Variants in HPS5 observed in about 807,000 individuals in gnomAD.
HPS5 encodes HPS5 biogenesis of lysosomal organelles complex 2 subunit 2.
Under a neutral mutation model 128.0 loss-of-function variants are expected in HPS5, and 83 were observed. The observed-to-expected ratio is 0.65, with a 90% CI of 0.54 to 0.78. The LOEUF (loss-of-function observed/expected upper bound fraction) is 0.78. Among genes scored for constraint, HPS5 ranks in the 30% least tolerant of loss-of-function variants. HPS5 has a pLI of 0.00. For synonymous variants in HPS5, 475 were observed against 470.2 expected, an observed-to-expected ratio of 1.01 and a Z score of -0.13; for missense variants, 1,281 against 1,326.2, an observed-to-expected ratio of 0.97 and a Z score of 0.53.
intron 6 of HPS5, among the ~76,000 whole-genome samples, chr11:18,308,672 A>C (rs1231959043): frequency 6.6e-6 from 1 of 151,968 alleles, no homozygotes; most frequent in Non-Finnish European, 1.5e-5. Flanking sequence ...AAAAATTAGC[A>C]GGGCATGGTG....
intron 18 of HPS5, 56 bp from the exon 19 acceptor site, chr11:18,286,766 A>G (rs1352908814): frequency 6.2e-7 from 1 of 1,608,260 alleles, no homozygotes; most frequent in South Asian, 1.1e-5. Context: ...AAGGAAGCAT[A>G]AAATGTGGGG....
At chr11:18,306,065 T>C in intron 7 of HPS5, 70 bp downstream of exon 7, 1 of 1,089,926 alleles carries the variant, frequency 9.2e-7, no homozygotes, top group Non-Finnish European at 1.4e-6. Flanking sequence ...AGATAGAATA[T>C]CAGAGATTTT....
chr11:18,309,863 G>A (rs1375272066), intron 5 of HPS5, among the ~76,000 whole-genome samples: 2 of 152,058 alleles, frequency 1.3e-5, no homozygotes, highest in Admixed American at 6.6e-5. Context: ...TTAGCCAGGC[G>A]TGGTGATGCA....
intron 20 of HPS5, 64 bp downstream of exon 20, chr11:18,285,282 C>T (rs1261672533): frequency 5.0e-6 from 5 of 992,792 alleles, no homozygotes; most frequent in African/African-American, 1.6e-5. Context: ...AGACCCTTAA[C>T]TATAAAGTTG....
chr11:18,296,659 T>C, intron 12 of HPS5, 139 bp downstream of exon 12: 1 of 847,834 alleles, frequency 1.2e-6, no homozygotes, highest in East Asian at 2.4e-5. Context: ...GATCTGTAGA[T>C]CTGGATGGAA....
chr11:18,287,186 G>A (rs1270109740), intron 18 of HPS5, among the ~76,000 whole-genome samples: 1 of 152,198 alleles, frequency 6.6e-6, no homozygotes, highest in Non-Finnish European at 1.5e-5. Flanking sequence ...AGCCTAAAAA[G>A]AGAAGAGCTG....
intron 11 of HPS5, 76 bp downstream of exon 11, chr11:18,297,483 T>C: frequency 1.4e-6 from 2 of 1,381,464 alleles, no homozygotes; most frequent in Non-Finnish European, 2.1e-6. Flanking sequence ...AATTTGGGGA[T>C]CCTAGAGGTA....
intron 19 of HPS5, among the ~76,000 whole-genome samples, chr11:18,286,378 G>A (rs1189871286): frequency 6.6e-6 from 1 of 151,974 alleles, no homozygotes; most frequent in Non-Finnish European, 1.5e-5. Context: ...AATCTCATCT[G>A]TACAAAAAAT....
intron 19 of HPS5, among the ~76,000 whole-genome samples, chr11:18,286,381 C>T (rs1198278393): frequency 6.6e-6 from 1 of 151,942 alleles, no homozygotes; most frequent in Non-Finnish European, 1.5e-5. Flanking sequence ...CTCATCTGTA[C>T]AAAAAATTAG....
chr11:18,309,470 A>T (rs1167996141), intron 5 of HPS5, among the ~76,000 whole-genome samples: 5 of 152,222 alleles, frequency 3.3e-5, no homozygotes, highest in Admixed American at 2.6e-4. Flanking sequence ...AGATCATGCT[A>T]CTATATGCCA....
chr11:18,295,764 G>C (rs983914332), intron 13 of HPS5, among the ~76,000 whole-genome samples: 1 of 152,146 alleles, frequency 6.6e-6, no homozygotes, highest in Non-Finnish European at 1.5e-5. Flanking sequence ...TTTAATTTTT[G>C]ATCTCTTGAG....
rs753514793 is a variant in HPS5, at chr11:18,291,798, G to A, written c.2084C>T (p.Ser695Phe). 33 of 1,613,556 alleles carry A rather than the reference G, an allele frequency of 2.0e-5. No individual in the cohort carries two copies. Among genetic ancestry groups the A allele is most frequent in the Non-Finnish European group, 2.6e-5 (31 of 1,179,752 alleles). Reference sequence around the variant, plus strand: ...ATCAACAGATTCTTCATTGCCTAAAGAGTCCCTTTTTTCTTTTTCATTATC... The same window carrying A: ...ATCAACAGATTCTTCATTGCCTAAAAAGTCCCTTTTTTCTTTTTCATTATC... ...DEDNEKEKRD[S>F]LGNEESVDKT... Residue 695 changes from serine (S) to phenylalanine (F), a missense_variant, in exon 16 of 23, where the codon TCT (serine) becomes TTT (phenylalanine). Ser to Phe is a radical substitution (Grantham distance 155, BLOSUM62 -2). Transcript: ENST00000349215.
At chr11:18,296,583 C>G (rs945951259) in intron 12 of HPS5, 3 of 649,194 alleles carry the variant, frequency 4.6e-6, no homozygotes, top group African/African-American at 3.6e-5. Context: ...AAAACAGGCC[C>G]TAATGTTAGT....
intron 1 of HPS5, among the ~76,000 whole-genome samples, chr11:18,318,348 T>C (rs1863891189): frequency 6.6e-6 from 1 of 152,216 alleles, no homozygotes. Context: ...CCTACAGTTA[T>C]CAGCTAACAA....
In HPS5 at chr11:18,317,911, A is replaced by T. The variant is rs1277189183; in HGVS notation, c.-49-4T>A. ...TGATAGATACAGTATTCCTCACCTG[A>T]ATAAAATCCACAAAAATATAATTTA... On this transcript the variant is annotated splice_region_variant and splice_polypyrimidine_tract_variant and intron_variant, in intron 1 of 22. Coordinates refer to ENST00000349215, the MANE Select transcript of HPS5 (RefSeq NM_181507.2). 1.2e-5 allele frequency: 19 copies of T among 1,576,160 alleles called. No individual in the cohort carries two copies. Among genetic ancestry groups the T allele is most frequent in the Non-Finnish European group, 1.6e-5 (18 of 1,155,284 alleles).
At chr11:18,308,723 G>T (rs1297230758) in intron 6 of HPS5, among the ~76,000 whole-genome samples, 1 of 152,106 alleles carries the variant, frequency 6.6e-6, no homozygotes, top group African/African-American at 2.4e-5. Flanking sequence ...GGCTGAGGTA[G>T]GAGGATCGCT....
At position 18,297,558 on chromosome 11, in the gene HPS5, C is replaced by T. The variant is rs1185489584; in HGVS notation, c.1323+1G>A. 6.2e-7 allele frequency: 1 copy of T among 1,613,164 alleles called. No individual in the cohort carries two copies. Among genetic ancestry groups the T allele is most frequent in the South Asian group, 1.1e-5 (1 of 91,040 alleles). On this transcript the variant is annotated splice_donor_variant, in intron 11 of 22. Transcript: ENST00000349215. LOFTEE classifies it high-confidence loss of function. ...AATCCTTTAAAGGTGAGAATACTTA[C>T]ATGTGATGAAATGGAGCTTCTTCTA... is the stretch of plus-strand genomic sequence containing the variant.
chr11:18,307,127 A>G lies in HPS5; in HGVS notation c.612-780T>C, dbSNP rs77013475. ...ATGTCTATTTAAACAGCAGATCATG[A>G]CTTTTCAAGGCAAAGGACAATTCTT... is the stretch of plus-strand genomic sequence containing the variant. On this transcript the variant is annotated intron_variant, in intron 6 of 22. Transcript: ENST00000349215. 5.6e-3 allele frequency among the ~76,000 whole-genome samples: 846 copies of G among 152,362 alleles called. 8 individuals are homozygous for G. The highest frequency in any genetic ancestry group is 0.02 in the African/African-American group (811 of 41,582).
rs200028063 is a variant in HPS5 at position 18,293,204 on chromosome 11, TG to T, written c.1785-229del. Among the ~76,000 whole-genome samples the T allele has an allele frequency of 9.2e-3, 1,398 of 152,230 alleles. 45 individuals are homozygous for T. Among genetic ancestry groups the T allele is most frequent in the East Asian group, 0.074 (382 of 5,174 alleles). ...TTTTTTTTGAGACAGAGTCACGCTC[TG>T]TTGCCTAGGCTGGAGTGCAGTGGCA... On this transcript the variant is annotated intron_variant, in intron 14 of 22. Coordinates refer to ENST00000349215, the MANE Select transcript of HPS5 (RefSeq NM_181507.2).
Sources: allele counts gnomAD v4.1 joint callset (sites outside exome capture counted in the v4.1 genomes callset), GRCh38; gene constraint gnomAD v4.1.1; transcripts MANE v1.5; gene names NCBI Gene and HGNC (gene_info 2026-07-23, HGNC 2026-07-21).